The following THADA variants were observed in gnomAD, a reference collection of about 807,000 sequenced individuals.
THADA encodes THADA armadillo repeat containing.
A neutral mutation model predicts 219.8 loss-of-function variants in THADA; 213 were observed. The observed-to-expected ratio is 0.97, with a 90% CI of 0.87 to 1.09. THADA has a LOEUF of 1.09. THADA is among the 50% of genes least tolerant of loss of function. THADA has a pLI of 0.00. For missense variants in THADA, 2,956 were observed against 2,311.3 expected, an observed-to-expected ratio of 1.28 and a Z score of -5.72; for synonymous variants, 1,018 against 828.9, an observed-to-expected ratio of 1.23 and a Z score of -3.92.
chr2:43,443,394 G>A (rs535769963), intron 26 of THADA, among the ~76,000 whole-genome samples: 44 of 152,300 alleles, frequency 2.9e-4, no homozygotes, highest in African/African-American at 9.9e-4. Flanking sequence ...GCCAGAGCTT[G>A]AAATGTTCTT....
rs532699694 is a variant in THADA, at chr2:43,547,649, G to T, written c.3106+1561C>A. ...CATCACTGATACCCTTTCTTCCAGT[G>T]GATTGCATCGGCTCCTGAGGCTTCT... is the stretch of plus-strand genomic sequence containing the variant. On this transcript the variant is annotated intron_variant, in intron 20 of 37. Transcript: ENST00000405975. Among the ~76,000 whole-genome samples, 5 of 152,154 alleles carry T rather than the reference G, an allele frequency of 3.3e-5. No individual in the cohort carries two copies. In the South Asian group the frequency reaches 1.0e-3, roughly 32 times the overall value.
rs11904440 is a variant in THADA, at chr2:43,350,906, T to C, written c.4228-6669A>G. The stretch of plus-strand genomic sequence containing the variant: ...CAGGAAAAGGATGCTAAGTACAAAG[T>C]GTAATTACTTCCTAGCTGATTCTAG... On this transcript the variant is annotated intron_variant, in intron 29 of 37. Coordinates refer to ENST00000405975, the MANE Select transcript of THADA (RefSeq NM_022065.5). Among the ~76,000 whole-genome samples, 847 of 152,264 alleles carry C rather than the reference T, an allele frequency of 5.6e-3. 7 individuals are homozygous for C. Among genetic ancestry groups the C allele is most frequent in the African/African-American group, 0.02 (813 of 41,538 alleles).
At chr2:43,451,185 T>C (rs977142303) in intron 26 of THADA, among the ~76,000 whole-genome samples, 11 of 152,206 alleles carry the variant, frequency 7.2e-5, no homozygotes, top group African/African-American at 2.7e-4. Context: ...GAAGCAGGAT[T>C]GAGGCAAGTG....
chr2:43,545,710 G>A (rs910689537), intron 20 of THADA, among the ~76,000 whole-genome samples: 13 of 151,436 alleles, frequency 8.6e-5, no homozygotes, highest in East Asian at 5.8e-4. Flanking sequence ...CTGTGGGATC[G>A]GTGGTGATAT....
At chr2:43,234,490 G>C (rs1256776219) in intron 36 of THADA, among the ~76,000 whole-genome samples, 1 of 152,196 alleles carries the variant, frequency 6.6e-6, no homozygotes, top group African/African-American at 2.4e-5. Flanking sequence ...AGGGGAGGGG[G>C]TGAAGGTGCA....
rs894670220 is a variant in THADA, at chr2:43,296,844, C to T, written c.4439-3631G>A. Among the ~76,000 whole-genome samples, 64 of 150,372 alleles carry T rather than the reference C, an allele frequency of 4.3e-4. 1 individual carries two copies. The highest frequency in any genetic ancestry group is 5.2e-4 in the African/African-American group (21 of 40,250). On this transcript the variant is annotated intron_variant, in intron 31 of 37. Transcript: ENST00000405975. The stretch of plus-strand genomic sequence containing the variant: ...TGCTCTTAAAATTGTAATTAACGGC[C>T]GCCCGGGAGGCAGCGGCTGGAGGAG...
At chr2:43,590,273 C>T (rs1701415461) in intron 4 of THADA, among the ~76,000 whole-genome samples, 1 of 152,244 alleles carries the variant, frequency 6.6e-6, no homozygotes, top group Admixed American at 6.5e-5. Flanking sequence ...AGCAAGATGA[C>T]ATTTAAACAT....
intron 29 of THADA, among the ~76,000 whole-genome samples, chr2:43,355,348 C>G (rs528896997): frequency 6.6e-6 from 1 of 152,176 alleles, no homozygotes; most frequent in Non-Finnish European, 1.5e-5. Context: ...TACATTCCCA[C>G]CAACAGTGTA....
In THADA at chr2:43,334,688, T is replaced by G. The variant is rs1309873398; in HGVS notation, c.4343+9434A>C. Among the ~76,000 whole-genome samples, 3 of 151,398 alleles carry G rather than the reference T, an allele frequency of 2.0e-5. No individual in the cohort carries two copies. In the East Asian group the frequency reaches 5.8e-4, roughly 29 times the overall value. The stretch of plus-strand genomic sequence containing the variant: ...TACTCGGGAGGCTCAGGCAGGAGAA[T>G]GGCGTGAACCTGGGAGGCGGAGCTT... On this transcript the variant is annotated intron_variant, in intron 30 of 37. Coordinates refer to ENST00000405975, the MANE Select transcript of THADA (RefSeq NM_022065.5).
At chr2:43,353,976 C>G (rs1008750763) in intron 29 of THADA, among the ~76,000 whole-genome samples, 2 of 152,102 alleles carry the variant, frequency 1.3e-5, no homozygotes, top group East Asian at 3.8e-4. Flanking sequence ...TGCCACCATG[C>G]CCGGCTAATT....
intron 15 of THADA, chr2:43,565,823 C>G (rs913294679): frequency 6.5e-6 from 1 of 152,736 alleles, no homozygotes; most frequent in South Asian, 2.1e-4. Flanking sequence ...CACGGTGGCT[C>G]ACGCCTGTAA....
At chr2:43,490,151 G>T (rs1573909623) in intron 25 of THADA, among the ~76,000 whole-genome samples, 2 of 151,976 alleles carry the variant, frequency 1.3e-5, no homozygotes, top group South Asian at 4.2e-4. Flanking sequence ...ATTTCATTTA[G>T]ATTTTTCACT....
At chr2:43,270,552 C>T (rs112670516) in intron 36 of THADA, among the ~76,000 whole-genome samples, 51 of 152,322 alleles carry the variant, frequency 3.3e-4, no homozygotes, top group African/African-American at 1.2e-3. Flanking sequence ...GGTTTGGACT[C>T]CTTTCCCTGT....
intron 35 of THADA, among the ~76,000 whole-genome samples, chr2:43,283,717 G>A (rs1268176404): frequency 1.3e-5 from 2 of 152,220 alleles, no homozygotes; most frequent in Non-Finnish European, 2.9e-5. Flanking sequence ...ATGTGACCTG[G>A]CTGTTTCTAA....
intron 26 of THADA, among the ~76,000 whole-genome samples, chr2:43,465,959 A>G (rs989119781): frequency 7.2e-5 from 11 of 152,118 alleles, no homozygotes; most frequent in African/African-American, 2.7e-4. Context: ...CCAAGCCACA[A>G]ATCTGCTGCC....
chr2:43,364,635 A>C (rs1450386892), intron 29 of THADA, among the ~76,000 whole-genome samples: 1 of 152,226 alleles, frequency 6.6e-6, no homozygotes. Flanking sequence ...GGGAGATGAC[A>C]GTTAGTATAG....
Position 43,398,091 on chromosome 2 carries a change from G to C in THADA, c.4107C>G (p.Ala1369=). The C allele has an allele frequency of 6.2e-7, 1 of 1,613,970 alleles. No homozygotes were observed. The highest frequency in any genetic ancestry group is 8.5e-7 in the Non-Finnish European group (1 of 1,179,844). ...VYHSREMAAR[A]LVPFVMIDHI... is the part of the protein sequence containing the mutation. ...GATCTATCATAACAAATGGGACCAA[G>C]GCACGAGCTGCCATTTCACGGGAGT... is the stretch of plus-strand genomic sequence containing the variant. Residue 1369 remains alanine, a synonymous_variant, in exon 29 of 38, where the codon GCC becomes GCG. Transcript: ENST00000405975.
At chr2:43,388,296 G>A (rs966615303) in intron 29 of THADA, among the ~76,000 whole-genome samples, 4 of 152,264 alleles carry the variant, frequency 2.6e-5, no homozygotes, top group East Asian at 1.9e-4. Flanking sequence ...GTGTACCCAC[G>A]GTGAGATGTT....
intron 21 of THADA, among the ~76,000 whole-genome samples, chr2:43,536,313 T>C (rs1479473585): frequency 6.6e-6 from 1 of 152,230 alleles, no homozygotes; most frequent in African/African-American, 2.4e-5. Flanking sequence ...TATGTGTCTG[T>C]TTGTACACCA....
Sources: gnomAD v4.1 joint callset for allele counts (sites outside exome capture counted in the v4.1 genomes callset) on GRCh38, gnomAD v4.1.1 for gene constraint, MANE v1.5 for transcripts, NCBI Gene and HGNC (gene_info 2026-07-23, HGNC 2026-07-21) for gene names.